MYCT1: variants seen among roughly 807,000 people sequenced by gnomAD.
MYCT1 encodes myc target protein 1.
MYCT1 carries 12 observed loss-of-function variants against 15.0 expected under a neutral mutation model. The ratio of observed to expected loss-of-function variants is 0.80; its 90% CI spans 0.51 to 1.29. The LOEUF (loss-of-function observed/expected upper bound fraction) is 1.29, where lower values mean the gene tolerates loss of function less well. Ranked by LOEUF, MYCT1 falls within the 50% of genes most tolerant of loss-of-function variation. The pLI, the probability that MYCT1 is intolerant of heterozygous loss-of-function variation, is 0.00. For missense variants in MYCT1, 287 were observed against 279.1 expected (o/e 1.03, Z -0.20); for synonymous variants, 104 against 102.7 (o/e 1.01, Z -0.07).
At chr6:152,744,428 A>G in the MYCT1 span, among the ~76,000 whole-genome samples, 1 of 136,304 alleles carries the variant, frequency 7.3e-6, no homozygotes, top group East Asian at 2.0e-4. Context: ...GGAAGGGTCC[A>G]GGAAGGACTC....
At chr6:152,741,724 A>G in the MYCT1 span, among the ~76,000 whole-genome samples, 1 of 152,186 alleles carries the variant, frequency 6.6e-6, no homozygotes, top group Admixed American at 6.5e-5. Context: ...CAAGACCTGG[A>G]AAAACATTTA....
chr6:152,743,665 C>T, the MYCT1 span, among the ~76,000 whole-genome samples: 2 of 152,182 alleles, frequency 1.3e-5, no homozygotes, highest in African/African-American at 4.8e-5. Context: ...GGCCTCACAA[C>T]CCACTTGAAG....
At chr6:152,725,422 T>C (rs1267836051), downstream of MYCT1, among the ~76,000 whole-genome samples, 1 of 152,216 alleles carries the variant, frequency 6.6e-6, no homozygotes, top group African/African-American at 2.4e-5. Flanking sequence ...AACAACACTC[T>C]AGTAGTTTTT....
chr6:152,740,040 TTATTATTATTA>T, the MYCT1 span, among the ~76,000 whole-genome samples: 1 of 151,440 alleles, frequency 6.6e-6, no homozygotes, highest in Non-Finnish European at 1.5e-5. Flanking sequence ...ATTGTTATTG[TTATTATTATTA>T]TTGTTATTAT....
chr6:152,733,313 G>A, the MYCT1 span, among the ~76,000 whole-genome samples: 1 of 151,748 alleles, frequency 6.6e-6, no homozygotes, highest in African/African-American at 2.4e-5. Context: ...CATGTTGCCA[G>A]GCTGTTCTCA....
chr6:152,719,108 T>A (rs974843988), intron 1 of MYCT1, among the ~76,000 whole-genome samples: 13 of 152,318 alleles, frequency 8.5e-5, no homozygotes, highest in Non-Finnish European at 1.2e-4. Flanking sequence ...TCCAACACAT[T>A]TTCAAAAGCT....
chr6:152,723,726 C>A lies in MYCT1; in HGVS notation c.*1473C>A, dbSNP rs993496464. 7 of 152,130 alleles carry A rather than the reference C, an allele frequency of 4.6e-5. No individual in the cohort carries two copies. The highest frequency in any genetic ancestry group is 1.0e-4 in the Non-Finnish European group (7 of 68,034). 9.4% of individuals were successfully genotyped at this position (152,130 alleles called of 1,614,324 possible). Reference sequence around the variant, plus strand: ...AGAATGCATCCCTAAATGTGGCCACCAGAGAGTTCCAGTGGGCAGATGTCT... The same window carrying A: ...AGAATGCATCCCTAAATGTGGCCACAAGAGAGTTCCAGTGGGCAGATGTCT... On this transcript the variant is annotated 3_prime_UTR_variant, in exon 2 of 2. Transcript: ENST00000367245.
intron 1 of MYCT1, among the ~76,000 whole-genome samples, chr6:152,699,085 A>T (rs535276646): frequency 1.8e-4 from 27 of 152,282 alleles, no homozygotes; most frequent in African/African-American, 6.5e-4. Flanking sequence ...TAATCCTCTC[A>T]GTGTACAATT....
At chr6:152,743,307 C>G in the MYCT1 span, among the ~76,000 whole-genome samples, 17 of 152,094 alleles carry the variant, frequency 1.1e-4, no homozygotes, top group Non-Finnish European at 2.5e-4. Flanking sequence ...CTCAAGCAAT[C>G]CACCTGCCTC....
At chr6:152,738,433 G>T in the MYCT1 span, among the ~76,000 whole-genome samples, 1 of 151,936 alleles carries the variant, frequency 6.6e-6, no homozygotes, top group Non-Finnish European at 1.5e-5. Context: ...ATCTTCCAGT[G>T]AATTTTGCCA....
chr6:152,707,875 A>T (rs2099722574), intron 1 of MYCT1, among the ~76,000 whole-genome samples: 1 of 152,026 alleles, frequency 6.6e-6, no homozygotes, highest in Non-Finnish European at 1.5e-5. Context: ...TGTAAATGCC[A>T]GTACCTTGCT....
chr6:152,713,990 T>C (rs1009287347), intron 1 of MYCT1, among the ~76,000 whole-genome samples: 3 of 152,116 alleles, frequency 2.0e-5, no homozygotes, highest in Non-Finnish European at 2.9e-5. Context: ...TTAAGGCCTT[T>C]AGGTAGAATT....
At chr6:152,734,442 A>C in the MYCT1 span, among the ~76,000 whole-genome samples, 72 of 152,316 alleles carry the variant, frequency 4.7e-4, no homozygotes, top group Middle Eastern at 0.014. Context: ...GTTGCTTGGA[A>C]AAACTGCAAT....
chr6:152,713,873 G>A (rs143448105), intron 1 of MYCT1, among the ~76,000 whole-genome samples: 218 of 152,218 alleles, frequency 1.4e-3, no homozygotes, highest in African/African-American at 5.1e-3. Flanking sequence ...CAGACTGGAA[G>A]CTTCCCTCAG....
At chr6:152,704,241 A>G (rs1269718145) in intron 1 of MYCT1, among the ~76,000 whole-genome samples, 2 of 152,024 alleles carry the variant, frequency 1.3e-5, no homozygotes, top group Non-Finnish European at 2.9e-5. Context: ...GGCTCAAGCG[A>G]TTTGCCCACC....
At chr6:152,703,945 ATTTTATTTTATTTTAT>A (rs1165795437) in intron 1 of MYCT1, among the ~76,000 whole-genome samples, 1,319 of 30,578 alleles carry the variant, frequency 0.043, 11 homozygotes, top group Non-Finnish European at 0.098. Context: ...CCTGTTTTTT[ATTTTATTTTATTTTAT>A]TTTATTTTAT....
At chr6:152,741,468 T>C in the MYCT1 span, among the ~76,000 whole-genome samples, 358 of 152,254 alleles carry the variant, frequency 2.4e-3, no homozygotes, top group African/African-American at 8.4e-3. Flanking sequence ...GAGCAACTTA[T>C]AATGTACCAG....
the MYCT1 span, among the ~76,000 whole-genome samples, chr6:152,740,813 TATAG>T: frequency 2.6e-5 from 4 of 152,152 alleles, no homozygotes; most frequent in Non-Finnish European, 5.9e-5. Context: ...ATATTTGATT[TATAG>T]ATATATTTTT....
At chr6:152,703,946 TTTTATTTTATTTTATTTTA>T (rs2099721769) in intron 1 of MYCT1, among the ~76,000 whole-genome samples, 2 of 11,826 alleles carry the variant, frequency 1.7e-4, no homozygotes, top group Non-Finnish European at 3.7e-4. Context: ...CTGTTTTTTA[TTTTATTTTATTTTATTTTA>T]TTTTATTTTA....
Sources: allele counts gnomAD v4.1 joint callset (sites outside exome capture counted in the v4.1 genomes callset), GRCh38; gene constraint gnomAD v4.1.1; transcripts MANE v1.5; gene names NCBI Gene and HGNC (gene_info 2026-07-23, HGNC 2026-07-21).